MYO10: variants seen among roughly 807,000 people sequenced by gnomAD.
The protein encoded by MYO10 is unconventional myosin-X.
In MYO10, 133 loss-of-function variants were observed where a neutral mutation model predicts 257.3. That is an observed-to-expected ratio of 0.52 (90% CI 0.45 to 0.60). The LOEUF is 0.60. Among genes scored for constraint, MYO10 ranks in the 20% least tolerant of loss-of-function variants. The pLI is 0.00. For synonymous variants in MYO10, 1,104 were observed against 1,028.6 expected (o/e 1.07, Z -1.40); for missense variants, 2,399 against 2,635.7 (o/e 0.91, Z 1.97).
intron 3 of MYO10, among the ~76,000 whole-genome samples, chr5:16,807,528 A>G (rs1742312712): frequency 6.6e-6 from 1 of 152,056 alleles, no homozygotes; most frequent in Non-Finnish European, 1.5e-5. Flanking sequence ...TATCCCCTAC[A>G]GCTTTCATGA....
intron 3 of MYO10, 104 bp downstream of exon 3, chr5:16,817,903 TAG>T: frequency 2.0e-6 from 2 of 1,007,998 alleles, no homozygotes; most frequent in Non-Finnish European, 2.7e-6. Context: ...TAATTTTACT[TAG>T]ATTAACAAGA....
intron 5 of MYO10, among the ~76,000 whole-genome samples, chr5:16,782,535 T>C (rs1409683303): frequency 6.6e-6 from 1 of 152,188 alleles, no homozygotes; most frequent in Non-Finnish European, 1.5e-5. Flanking sequence ...CACTGCGCCG[T>C]ACACTGAAAA....
At chr5:16,858,441 T>TAA (rs56792705) in intron 2 of MYO10, among the ~76,000 whole-genome samples, 3,163 of 135,308 alleles carry the variant, frequency 0.023, 81 homozygotes, top group African/African-American at 0.055. Flanking sequence ...GCTACTTTTG[T>TAA]AAAAAAAAAA....
chr5:16,917,196 C>T (rs1161389764), intron 1 of MYO10, among the ~76,000 whole-genome samples: 1 of 152,060 alleles, frequency 6.6e-6, no homozygotes, highest in Non-Finnish European at 1.5e-5. Flanking sequence ...TAATAAAAAT[C>T]AGATTAATGC....
Position 16,802,716 on chromosome 5 carries a change from A to T in MYO10, c.280-7883T>A, listed in dbSNP as rs112247280. 3.9e-5 allele frequency among the ~76,000 whole-genome samples: 6 copies of T among 151,906 alleles called. 1 individual carries two copies. Among genetic ancestry groups the T allele is most frequent in the African/African-American group, 1.4e-4 (6 of 41,526 alleles). ...AAAAAAATAAGTAATGCTGGGAATT[A>T]TGGTGTTGTATAGAATACATTAATC... On this transcript the variant is annotated intron_variant, in intron 3 of 40. Coordinates refer to ENST00000513610, the MANE Select transcript of MYO10 (RefSeq NM_012334.3).
chr5:16,817,909 A>T, intron 3 of MYO10, 100 bp downstream of exon 3: 1 of 1,052,524 alleles, frequency 9.5e-7, no homozygotes, highest in Non-Finnish European at 1.3e-6. Context: ...TACTTAGATT[A>T]ACAAGAATTC....
At chr5:16,739,208 A>G (rs1389747692) in intron 19 of MYO10, among the ~76,000 whole-genome samples, 2 of 151,018 alleles carry the variant, frequency 1.3e-5, no homozygotes, top group Admixed American at 6.6e-5. Flanking sequence ...AAAAAAAAAA[A>G]GCATAAAACC....
In MYO10 at chr5:16,681,859, G is replaced by A. The variant is rs776626413; in HGVS notation, c.4189+12C>T. The A allele has an allele frequency of 6.2e-7, 1 of 1,613,190 alleles. No homozygotes were observed. The highest frequency in any genetic ancestry group is 1.7e-5 in the Admixed American group (1 of 59,934). ...CTGTTAAGCAGACCGAGGAAGCAGG[G>A]CAGGCAGTCACCTCTCACGATGAAT... On this transcript the variant is annotated intron_variant, in intron 31 of 40. Coordinates refer to ENST00000513610, the MANE Select transcript of MYO10 (RefSeq NM_012334.3).
At chr5:16,789,103 C>T (rs1304738429) in intron 4 of MYO10, among the ~76,000 whole-genome samples, 1 of 152,188 alleles carries the variant, frequency 6.6e-6, no homozygotes, top group Non-Finnish European at 1.5e-5. Flanking sequence ...AGATCCAGCC[C>T]ATGTGTCAGC....
intron 19 of MYO10, chr5:16,738,267 T>G: frequency 2.1e-5 from 21 of 983,948 alleles, no homozygotes; most frequent in Non-Finnish European, 2.5e-5. Flanking sequence ...GTCAGAGAGG[T>G]GTCAGGAAGG....
chr5:16,847,854 G>A (rs1020784923), intron 2 of MYO10, among the ~76,000 whole-genome samples: 4 of 152,124 alleles, frequency 2.6e-5, no homozygotes, highest in Non-Finnish European at 2.9e-5. Context: ...CCTGTGAATA[G>A]CCACTGCGCT....
chr5:16,741,016 C>T (rs892708724), intron 19 of MYO10, among the ~76,000 whole-genome samples: 1 of 152,154 alleles, frequency 6.6e-6, no homozygotes, highest in Non-Finnish European at 1.5e-5. Context: ...AAATGTAACT[C>T]GATTTAATAT....
At chr5:16,855,851 C>G (rs904168177) in intron 2 of MYO10, among the ~76,000 whole-genome samples, 6 of 152,134 alleles carry the variant, frequency 3.9e-5, no homozygotes, top group Admixed American at 1.3e-4. Flanking sequence ...AACAGCAGAT[C>G]ATTCCAGGAG....
chr5:16,796,433 AAAGAAAGAC>A (rs1379095938), intron 3 of MYO10, among the ~76,000 whole-genome samples: 3,554 of 67,354 alleles, frequency 0.053, 193 homozygotes, highest in African/African-American at 0.17. Context: ...AAAAGAAAGA[AAAGAAAGAC>A]AGAAAGAAAG....
chr5:16,672,521 C>T (rs562953458), intron 37 of MYO10, among the ~76,000 whole-genome samples, 168 bp downstream of exon 37: 87 of 152,088 alleles, frequency 5.7e-4, no homozygotes, highest in African/African-American at 2.1e-3. Context: ...ATCTAGGAAT[C>T]GAGAAAAATA....
At position 16,760,736 on chromosome 5, in the gene MYO10, C is replaced by T. The variant is rs1218450672; in HGVS notation, c.1739+728G>A. Among the ~76,000 whole-genome samples, 5 of 152,118 alleles carry T rather than the reference C, an allele frequency of 3.3e-5. No individual in the cohort carries two copies. The South Asian group carries it at 8.3e-4, about 25-fold the overall frequency. On this transcript the variant is annotated intron_variant, in intron 17 of 40. Coordinates refer to ENST00000513610, the MANE Select transcript of MYO10 (RefSeq NM_012334.3). Reference sequence around the variant, plus strand: ...CTAAGCTCCCTGTGAAGACAGCAGACCACACTGCTTAAGATATTAAGGTTC... The same window carrying T: ...CTAAGCTCCCTGTGAAGACAGCAGATCACACTGCTTAAGATATTAAGGTTC...
chr5:16,708,293 T>C (rs1186224369), intron 21 of MYO10, among the ~76,000 whole-genome samples: 4 of 152,232 alleles, frequency 2.6e-5, no homozygotes, highest in Admixed American at 2.6e-4. Context: ...TTTAAAAAGA[T>C]TGTACTGCAT....
chr5:16,867,913 C>T (rs1261517521), intron 2 of MYO10, among the ~76,000 whole-genome samples: 1 of 152,130 alleles, frequency 6.6e-6, no homozygotes, highest in Non-Finnish European at 1.5e-5. Context: ...ATGATTAAAT[C>T]CTCAACTAGT....
intron 1 of MYO10, among the ~76,000 whole-genome samples, chr5:16,889,678 T>TG (rs1216802931): frequency 6.6e-6 from 1 of 151,630 alleles, no homozygotes; most frequent in African/African-American, 2.4e-5. Context: ...CAAAAACTAG[T>TG]GGGAAATCCT....
Sources: allele counts gnomAD v4.1 joint callset (sites outside exome capture counted in the v4.1 genomes callset), GRCh38; gene constraint gnomAD v4.1.1; transcripts MANE v1.5; gene names NCBI Gene and HGNC (gene_info 2026-07-23, HGNC 2026-07-21).